PPP1R12B: variants seen among roughly 807,000 people sequenced by gnomAD.
The protein encoded by PPP1R12B is protein phosphatase 1 regulatory subunit 12B, also known as myosin phosphatase target subunit 2.
In PPP1R12B, 76 loss-of-function variants were observed where a neutral mutation model predicts 126.1. The observed-to-expected ratio is 0.60, with a 90% CI of 0.50 to 0.73. PPP1R12B has a LOEUF of 0.73. Among genes scored for constraint, PPP1R12B ranks in the 30% least tolerant of loss-of-function variants. The pLI, the probability that PPP1R12B is intolerant of heterozygous loss-of-function variation, is 0.00. For synonymous variants in PPP1R12B, 356 were observed against 434.7 expected (o/e 0.82, Z 2.25); for missense variants, 1,052 against 1,205.1 (o/e 0.87, Z 1.88).
intron 1 of PPP1R12B, among the ~76,000 whole-genome samples, chr1:202,354,001 G>A (rs1046851484): frequency 2.6e-5 from 4 of 152,182 alleles, no homozygotes; most frequent in Non-Finnish European, 4.4e-5. Flanking sequence ...TTTGAAATAG[G>A]CAACCTGTCA....
intron 3 of PPP1R12B, among the ~76,000 whole-genome samples, chr1:202,423,992 C>T (rs1669156998): frequency 6.6e-6 from 1 of 152,084 alleles, no homozygotes; most frequent in African/African-American, 2.4e-5. Context: ...GCTTTGTGCG[C>T]TATTGAATTG....
chr1:202,376,447 C>A (rs1661183446), intron 1 of PPP1R12B, among the ~76,000 whole-genome samples: 1 of 152,118 alleles, frequency 6.6e-6, no homozygotes, highest in African/African-American at 2.4e-5. Flanking sequence ...AAAGTTCTTG[C>A]AAAATTTAGA....
chr1:202,381,540 A>C (rs1334485814), intron 1 of PPP1R12B, among the ~76,000 whole-genome samples: 1 of 152,046 alleles, frequency 6.6e-6, no homozygotes, highest in East Asian at 1.9e-4. Flanking sequence ...ATGACATAGG[A>C]AAATTTCCAT....
At chr1:202,415,205 T>G (rs1291799466) in intron 1 of PPP1R12B, among the ~76,000 whole-genome samples, 1 of 152,234 alleles carries the variant, frequency 6.6e-6, no homozygotes, top group Non-Finnish European at 1.5e-5. Context: ...AAGGTTATTC[T>G]TAAGTGAAAC....
intron 23 of PPP1R12B, among the ~76,000 whole-genome samples, chr1:202,577,517 G>T (rs1689196849): frequency 6.6e-6 from 1 of 151,898 alleles, no homozygotes; most frequent in African/African-American, 2.4e-5. Context: ...CCAGAAGGAA[G>T]GATGAGATAA....
intron 1 of PPP1R12B, among the ~76,000 whole-genome samples, chr1:202,408,843 CTT>C (rs35632865): frequency 8.4e-4 from 95 of 113,312 alleles, no homozygotes; most frequent in Middle Eastern, 5.0e-3. Flanking sequence ...TTATTTCTTT[CTT>C]TTTTTTTTTT....
chr1:202,359,900 G>A (rs1234328115), intron 1 of PPP1R12B, among the ~76,000 whole-genome samples: 1 of 150,094 alleles, frequency 6.7e-6, no homozygotes, highest in Non-Finnish European at 1.5e-5. Context: ...AAGTTTCCCT[G>A]ATTGTTCACA....
intron 1 of PPP1R12B, among the ~76,000 whole-genome samples, chr1:202,358,136 G>A (rs1325875159): frequency 6.6e-6 from 1 of 152,146 alleles, no homozygotes; most frequent in Non-Finnish European, 1.5e-5. Context: ...TCCAGATTAA[G>A]ACCTTGGCCC....
At chr1:202,492,980 G>C in intron 14 of PPP1R12B, 134 bp from the exon 15 acceptor site, 2 of 831,228 alleles carry the variant, frequency 2.4e-6, no homozygotes, top group Non-Finnish European at 3.9e-6. Flanking sequence ...GCTTGAAGTG[G>C]CCTCATTATG....
intron 13 of PPP1R12B, among the ~76,000 whole-genome samples, chr1:202,472,740 A>G (rs555145742): frequency 1.3e-5 from 2 of 152,340 alleles, no homozygotes; most frequent in Admixed American, 1.3e-4. Context: ...CTTGGTGATA[A>G]ATAACTTAGT....
At chr1:202,540,977 A>G (rs1685063083) in intron 18 of PPP1R12B, among the ~76,000 whole-genome samples, 1 of 152,236 alleles carries the variant, frequency 6.6e-6, no homozygotes, top group South Asian at 2.1e-4. Context: ...GAAGAGATTT[A>G]CATATGGGCA....
At chr1:202,382,734 A>G (rs1270228740) in intron 1 of PPP1R12B, among the ~76,000 whole-genome samples, 1 of 151,848 alleles carries the variant, frequency 6.6e-6, no homozygotes, top group Non-Finnish European at 1.5e-5. Context: ...AAAATTAGCC[A>G]GGCTGGTGGC....
chr1:202,363,465 A>C (rs1240489072), intron 1 of PPP1R12B, among the ~76,000 whole-genome samples: 3 of 152,214 alleles, frequency 2.0e-5, no homozygotes, highest in Admixed American at 2.0e-4. Flanking sequence ...TTCTCTAATA[A>C]GGATAAACAT....
chr1:202,583,815 C>T lies in PPP1R12B; in HGVS notation c.*3255C>T, dbSNP rs1689673982. ...CTGAATAAATAGCTGCAGACATGGCCAACAACATGGGGCTCAGGTCTGTCA... is the reference window on the plus strand; with the variant it reads ...CTGAATAAATAGCTGCAGACATGGCTAACAACATGGGGCTCAGGTCTGTCA... On this transcript the variant is annotated 3_prime_UTR_variant, in exon 24 of 24. Coordinates refer to ENST00000608999, the MANE Select transcript of PPP1R12B (RefSeq NM_002481.4). The T allele has an allele frequency of 6.6e-6, 1 of 152,178 alleles. No homozygotes were observed. 9.4% of individuals were successfully genotyped at this position (152,178 alleles called of 1,614,324 possible). A position where few individuals can be genotyped will look rare whatever the true frequency, so the allele number is the denominator to read the frequency against.
Position 202,566,669 on chromosome 1 carries a change from G to GT in PPP1R12B, c.2758-1102dup, listed in dbSNP as rs1022103203. 5.3e-5 allele frequency among the ~76,000 whole-genome samples: 8 copies of GT among 152,164 alleles called. No individual in the cohort carries two copies. The South Asian group carries it at 1.2e-3, about 24-fold the overall frequency. On this transcript the variant is annotated intron_variant, in intron 21 of 23. Coordinates refer to ENST00000608999, the MANE Select transcript of PPP1R12B (RefSeq NM_002481.4). The stretch of plus-strand genomic sequence containing the variant: ...AACAAGCTGTAGGATCTATTTTTGC[G>GT]TTTTTTTCTCTTCCTTCTGCTTCAT...
intron 13 of PPP1R12B, among the ~76,000 whole-genome samples, chr1:202,475,676 C>T (rs975638738): frequency 7.9e-5 from 12 of 152,084 alleles, no homozygotes; most frequent in African/African-American, 2.2e-4. Context: ...TTGACTCATC[C>T]GTAAAATAGG....
intron 1 of PPP1R12B, among the ~76,000 whole-genome samples, chr1:202,387,317 T>C (rs979456450): frequency 2.0e-5 from 3 of 152,218 alleles, no homozygotes; most frequent in African/African-American, 7.2e-5. Flanking sequence ...GAAGGTTTCA[T>C]TGAGTTCTAA....
intron 13 of PPP1R12B, among the ~76,000 whole-genome samples, chr1:202,452,563 G>A (rs1338838718): frequency 6.6e-6 from 1 of 151,988 alleles, no homozygotes; most frequent in Non-Finnish European, 1.5e-5. Context: ...GGAGACCGTG[G>A]GGAGACGGGA....
At chr1:202,401,553 T>C (rs1351626800) in intron 1 of PPP1R12B, among the ~76,000 whole-genome samples, 1 of 151,948 alleles carries the variant, frequency 6.6e-6, no homozygotes, top group Non-Finnish European at 1.5e-5. Context: ...TATATTTTGT[T>C]TTATTAATTA....
Sources: allele counts gnomAD v4.1 joint callset (sites outside exome capture counted in the v4.1 genomes callset), GRCh38; gene constraint gnomAD v4.1.1; transcripts MANE v1.5; gene names NCBI Gene and HGNC (gene_info 2026-07-23, HGNC 2026-07-21).